TP53BP2: variants seen among roughly 807,000 people sequenced by gnomAD.
TP53BP2 encodes tumor protein p53 binding protein 2, also known as apoptosis-stimulating of p53 protein 2.
In TP53BP2, 62 loss-of-function variants were observed where a neutral mutation model predicts 126.2. The observed-to-expected ratio is 0.49, with a 90% confidence interval of 0.40 to 0.61. TP53BP2 has a LOEUF of 0.61. TP53BP2 is among the 20% of genes least tolerant of loss of function. The pLI is 0.00. For missense variants in TP53BP2, 1,215 were observed against 1,402.8 expected (o/e 0.87, Z 2.14); for synonymous variants, 485 against 502.9 (o/e 0.96, Z 0.48).
Position 223,802,240 on chromosome 1 carries a change from T to C in TP53BP2, c.1101A>G (p.Ser367=). Residue 367 remains serine, a synonymous_variant, in exon 9 of 18, where the codon TCA becomes TCG. Coordinates refer to ENST00000343537, the MANE Select transcript of TP53BP2 (RefSeq NM_001031685.3). The stretch of plus-strand genomic sequence containing the variant: ...CTGGCTTCACCAGCAATTCAGGCCT[T>C]GAGGGCATCCGAGGCATAGTAGACG... ...IQSSTMPRMP[S]RPELLVKPAL... 6.2e-7 allele frequency: 1 copy of C among 1,614,154 alleles called. No individual in the cohort carries two copies. The highest frequency in any genetic ancestry group is 1.3e-5 in the African/African-American group (1 of 75,030).
intron 13 of TP53BP2, among the ~76,000 whole-genome samples, chr1:223,794,387 C>T (rs1309238767): frequency 6.6e-6 from 1 of 152,192 alleles, no homozygotes; most frequent in African/African-American, 2.4e-5. Flanking sequence ...TGAATGTTAT[C>T]TGACTGTGGT....
chr1:223,802,564 T>A, intron 8 of TP53BP2, 167 bp downstream of exon 8: 1 of 969,406 alleles, frequency 1.0e-6, no homozygotes. Flanking sequence ...GGTAATAACA[T>A]TAAAAAGTAA....
intron 17 of TP53BP2, 143 bp from the exon 18 acceptor site, chr1:223,781,037 A>G: frequency 1.3e-6 from 1 of 746,966 alleles, no homozygotes; most frequent in South Asian, 1.9e-5. Context: ...TGTGTGTGGC[A>G]CCTAGAGCTT....
intron 3 of TP53BP2, among the ~76,000 whole-genome samples, chr1:223,812,973 CA>C (rs1283166073): frequency 1.3e-5 from 2 of 152,196 alleles, no homozygotes; most frequent in Non-Finnish European, 2.9e-5. Flanking sequence ...GCTGGGATTA[CA>C]GGCATGAGCC....
In TP53BP2 at chr1:223,799,870, A is replaced by G. The variant is rs376579128; in HGVS notation, c.1485+29T>C. 7.0e-5 allele frequency: 108 copies of G among 1,545,502 alleles called. 1 individual carries two copies. Among genetic ancestry groups the G allele is most frequent in the Non-Finnish European group, 8.4e-5 (97 of 1,152,028 alleles). ...AACTGCATTATAGAATTACTATTAA[A>G]TTTTAAAAACCAGGATATTTGTAGG... is the stretch of plus-strand genomic sequence containing the variant. On this transcript the variant is annotated intron_variant, in intron 11 of 17. Coordinates refer to ENST00000343537, the MANE Select transcript of TP53BP2 (RefSeq NM_001031685.3).
chr1:223,793,253 C>T, intron 14 of TP53BP2, 50 bp downstream of exon 14: 1 of 1,360,112 alleles, frequency 7.4e-7, no homozygotes, highest in Non-Finnish European at 9.7e-7. Flanking sequence ...GCCTGGATGA[C>T]AGAGCGAGAC....
At chr1:223,819,593 G>C (rs1663227696) in intron 2 of TP53BP2, among the ~76,000 whole-genome samples, 1 of 152,014 alleles carries the variant, frequency 6.6e-6, no homozygotes, top group Non-Finnish European at 1.5e-5. Flanking sequence ...GGCTGAGGCA[G>C]GAGAATGGCG....
chr1:223,792,083 C>T (rs1662174825), intron 15 of TP53BP2, among the ~76,000 whole-genome samples: 1 of 152,156 alleles, frequency 6.6e-6, no homozygotes, highest in African/African-American at 2.4e-5. Flanking sequence ...TTGCCTAAAT[C>T]AGCACTTCTC....
chr1:223,804,828 C>T (rs1662661292), intron 5 of TP53BP2, among the ~76,000 whole-genome samples: 1 of 152,086 alleles, frequency 6.6e-6, no homozygotes, highest in Non-Finnish European at 1.5e-5. Flanking sequence ...ATCTATAAAA[C>T]AGGGATGATC....
At position 223,810,093 on chromosome 1, in the gene TP53BP2, TG is replaced by T. The variant is rs199735239; in HGVS notation, c.372+337del. ...CACCCACCTCAGCCTCCCAAAGTGC[TG>T]GGATAACAGGCGTGAGCCACTGCAC... On this transcript the variant is annotated intron_variant, in intron 4 of 17. Coordinates refer to ENST00000343537, the MANE Select transcript of TP53BP2 (RefSeq NM_001031685.3). Among the ~76,000 whole-genome samples, 275 of 152,342 alleles carry T rather than the reference TG, an allele frequency of 1.8e-3. 2 individuals carry two copies. The highest frequency in any genetic ancestry group is 5.4e-3 in the African/African-American group (226 of 41,582).
Position 223,820,813 on chromosome 1 carries a change from C to A in TP53BP2, c.175+407G>T, listed in dbSNP as rs1048769383. On this transcript the variant is annotated intron_variant, in intron 2 of 17. Transcript: ENST00000343537. ...ATTTCAAGGCTTACAATAATGCCCA[C>A]GAGTTCACCACTGCTGTCTGCCACT... Among the ~76,000 whole-genome samples, 14 of 152,314 alleles carry A rather than the reference C, an allele frequency of 9.2e-5. No homozygotes were observed. The Middle Eastern group carries it at 0.01, about 111-fold the overall frequency.
chr1:223,808,059 T>C (rs1262135666), intron 4 of TP53BP2, among the ~76,000 whole-genome samples: 1 of 152,176 alleles, frequency 6.6e-6, no homozygotes, highest in South Asian at 2.1e-4. Flanking sequence ...GCATGTGGTA[T>C]TGACGTCAAA....
At chr1:223,824,493 T>C (rs189974415) in intron 1 of TP53BP2, among the ~76,000 whole-genome samples, 58 of 152,278 alleles carry the variant, frequency 3.8e-4, no homozygotes, top group Admixed American at 1.4e-3. Flanking sequence ...GCAGGAGATC[T>C]AGTTCAAACT....
intron 6 of TP53BP2, among the ~76,000 whole-genome samples, chr1:223,803,965 A>G (rs1313853368): frequency 6.6e-6 from 1 of 152,176 alleles, no homozygotes; most frequent in African/African-American, 2.4e-5. Flanking sequence ...GCAGTAAATT[A>G]TATTTTTTCA....
intron 15 of TP53BP2, 69 bp from the exon 16 acceptor site, chr1:223,789,243 G>A (rs1344934340): frequency 1.3e-6 from 2 of 1,552,996 alleles, no homozygotes; most frequent in Non-Finnish European, 1.8e-6. Context: ...TAAGATATCT[G>A]GAAAGAAAGT....
At chr1:223,821,764 T>C (rs1663319703) in intron 1 of TP53BP2, among the ~76,000 whole-genome samples, 2 of 152,214 alleles carry the variant, frequency 1.3e-5, no homozygotes, top group Non-Finnish European at 2.9e-5. Context: ...AGTCTCTTTT[T>C]TGGAAGGACA....
At chr1:223,786,437 CA>C (rs1383631324) in intron 16 of TP53BP2, among the ~76,000 whole-genome samples, 1 of 152,054 alleles carries the variant, frequency 6.6e-6, no homozygotes, top group Non-Finnish European at 1.5e-5. Context: ...TGATATACTT[CA>C]TAAATTTTAA....
intron 1 of TP53BP2, 134 bp downstream of exon 1, chr1:223,845,520 G>A: frequency 9.8e-7 from 1 of 1,016,688 alleles, no homozygotes; most frequent in Non-Finnish European, 1.3e-6. Context: ...CTCGAAGCTC[G>A]GAAAGCCCCG....
Position 223,780,767 on chromosome 1 carries a change from C to G in TP53BP2, c.*86G>C. ...AAGCTACATTGTCATTAAAATAAGT[C>G]TTGTGAAATTTTTGCCAAAAATAAT... On this transcript the variant is annotated 3_prime_UTR_variant, in exon 18 of 18. Transcript: ENST00000343537. 7.7e-7 allele frequency: 1 copy of G among 1,296,504 alleles called. No homozygotes were observed. The highest frequency in any genetic ancestry group is 1.3e-5 in the South Asian group (1 of 78,928). 80.3% of individuals were successfully genotyped at this position (1,296,504 alleles called of 1,614,324 possible).
Sources: gnomAD v4.1 joint callset for allele counts (sites outside exome capture counted in the v4.1 genomes callset) on GRCh38, gnomAD v4.1.1 for gene constraint, MANE v1.5 for transcripts, NCBI Gene and HGNC (gene_info 2026-07-23, HGNC 2026-07-21) for gene names.